Variants in LHFPL3 observed in about 807,000 individuals in gnomAD.
LHFPL3 encodes LHFPL tetraspan subfamily member 3.
Under a neutral mutation model 19.3 loss-of-function variants are expected in LHFPL3, and 5 were observed. The ratio of observed to expected loss-of-function variants is 0.26; its 90% CI spans 0.14 to 0.54. LHFPL3 has a LOEUF of 0.54. Among genes scored for constraint, LHFPL3 ranks in the 20% least tolerant of loss-of-function variants. The pLI, the probability that LHFPL3 is intolerant of heterozygous loss-of-function variation, is 0.94. For missense variants in LHFPL3, 249 were observed against 307.4 expected, an observed-to-expected ratio of 0.81 and a Z score of 1.42; for synonymous variants, 133 against 126.2, an observed-to-expected ratio of 1.05 and a Z score of -0.36.
In LHFPL3 at chr7:104,907,073, C is replaced by T. The variant is rs576711103; in HGVS notation, c.*858C>T. 6.6e-6 allele frequency: 1 copy of T among 152,650 alleles called. No individual in the cohort carries two copies. The highest frequency in any genetic ancestry group is 1.9e-4 in the East Asian group (1 of 5,190). 9.5% of individuals were successfully genotyped at this position (152,650 alleles called of 1,614,324 possible). On this transcript the variant is annotated 3_prime_UTR_variant, in exon 3 of 3. Coordinates refer to ENST00000424859, the MANE Select transcript of LHFPL3 (RefSeq NM_199000.3). The stretch of plus-strand genomic sequence containing the variant: ...CACGTGTAATATTATAGGCTACTAT[C>T]AAATAAACACTTTTTTTCTAATTCT...
intron 1 of LHFPL3, among the ~76,000 whole-genome samples, chr7:104,579,405 A>G (rs1790412434): frequency 6.6e-6 from 1 of 152,186 alleles, no homozygotes; most frequent in African/African-American, 2.4e-5. Flanking sequence ...AAGTGAGAAC[A>G]TGCGGTATTG....
At chr7:104,376,696 T>C (rs1021438707) in intron 1 of LHFPL3, among the ~76,000 whole-genome samples, 1 of 152,094 alleles carries the variant, frequency 6.6e-6, no homozygotes, top group Non-Finnish European at 1.5e-5. Context: ...AGTTGTGAAG[T>C]GTATTACACT....
At chr7:104,595,116 G>A (rs1790817431) in intron 1 of LHFPL3, among the ~76,000 whole-genome samples, 1 of 152,190 alleles carries the variant, frequency 6.6e-6, no homozygotes, top group African/African-American at 2.4e-5. Context: ...GAGGAGAAGA[G>A]GCACTCTGAT....
chr7:104,772,222 T>G (rs533806975), intron 2 of LHFPL3, among the ~76,000 whole-genome samples: 28 of 152,182 alleles, frequency 1.8e-4, no homozygotes, highest in Non-Finnish European at 3.1e-4. Context: ...ATTATTCTTA[T>G]TCTCCCAACC....
At position 104,536,792 on chromosome 7, in the gene LHFPL3, T is replaced by C. The variant is rs118175309; in HGVS notation, c.446-199883T>C. On this transcript the variant is annotated intron_variant, in intron 1 of 2. Transcript: ENST00000424859. ...GTAAAAAATTAAGCTTGCATTTCCT[T>C]TTTACACAGAAGCTCTTCCACTAAT... 1.1e-4 allele frequency among the ~76,000 whole-genome samples: 16 copies of C among 152,322 alleles called. No individual in the cohort carries two copies. In the East Asian group the frequency reaches 3.1e-3, roughly 29 times the overall value.
chr7:104,384,856 T>C (rs114645268), intron 1 of LHFPL3, among the ~76,000 whole-genome samples: 1,486 of 146,736 alleles, frequency 0.01, 19 homozygotes, highest in African/African-American at 0.035. Flanking sequence ...AAATGTCATA[T>C]ATAAATAGAG....
chr7:104,422,455 A>G (rs1183300123), intron 1 of LHFPL3, among the ~76,000 whole-genome samples: 2 of 152,250 alleles, frequency 1.3e-5, no homozygotes, highest in Non-Finnish European at 2.9e-5. Context: ...GACAATTGGC[A>G]TAGTTCTTCT....
chr7:104,335,412 A>C (rs1789780219), intron 1 of LHFPL3, among the ~76,000 whole-genome samples: 1 of 152,246 alleles, frequency 6.6e-6, no homozygotes, highest in Non-Finnish European at 1.5e-5. Flanking sequence ...ACTTACAAGA[A>C]AGTGATCTGG....
intron 2 of LHFPL3, among the ~76,000 whole-genome samples, chr7:104,820,750 C>T (rs938320573): frequency 2.0e-5 from 3 of 152,150 alleles, no homozygotes; most frequent in African/African-American, 7.2e-5. Flanking sequence ...TAACCACCCC[C>T]CCAGACCAAA....
At chr7:104,386,917 T>C (rs1344850041) in intron 1 of LHFPL3, among the ~76,000 whole-genome samples, 1 of 152,126 alleles carries the variant, frequency 6.6e-6, no homozygotes, top group Non-Finnish European at 1.5e-5. Context: ...AGCTGCCACA[T>C]TGTATCACCT....
intron 1 of LHFPL3, among the ~76,000 whole-genome samples, chr7:104,723,158 A>G (rs907129762): frequency 3.9e-5 from 6 of 152,230 alleles, no homozygotes; most frequent in African/African-American, 1.4e-4. Context: ...TGCCAGAGCA[A>G]TTAGTGGCTC....
At chr7:104,437,352 C>T (rs1239204102) in intron 1 of LHFPL3, among the ~76,000 whole-genome samples, 1 of 152,188 alleles carries the variant, frequency 6.6e-6, no homozygotes, top group Non-Finnish European at 1.5e-5. Flanking sequence ...ATACTCTCAA[C>T]ACAACACAGA....
chr7:104,819,445 T>TG (rs1790635429), intron 2 of LHFPL3, among the ~76,000 whole-genome samples: 1 of 151,964 alleles, frequency 6.6e-6, no homozygotes, highest in Non-Finnish European at 1.5e-5. Context: ...GCCTCCTATG[T>TG]GATTACACAC....
intron 1 of LHFPL3, among the ~76,000 whole-genome samples, chr7:104,390,623 G>A (rs185026198): frequency 2.0e-4 from 30 of 152,298 alleles, no homozygotes; most frequent in African/African-American, 6.3e-4. Context: ...TTGCTATTGT[G>A]AATAGTGCCA....
intron 1 of LHFPL3, among the ~76,000 whole-genome samples, chr7:104,592,847 C>T (rs1790755824): frequency 6.6e-6 from 1 of 152,128 alleles, no homozygotes; most frequent in African/African-American, 2.4e-5. Flanking sequence ...GCAGTTCAAT[C>T]TCAGACTGCT....
At chr7:104,785,934 A>C (rs951894176) in intron 2 of LHFPL3, 1 of 152,616 alleles carries the variant, frequency 6.6e-6, no homozygotes, top group African/African-American at 2.4e-5. Context: ...TGGTTCCACC[A>C]GTCCTTCTTC....
At chr7:104,340,331 TAAAG>T (rs988059744) in intron 1 of LHFPL3, among the ~76,000 whole-genome samples, 1 of 151,952 alleles carries the variant, frequency 6.6e-6, no homozygotes, top group Non-Finnish European at 1.5e-5. Context: ...AGAAAGAAAA[TAAAG>T]AAAAACTAGA....
At chr7:104,822,872 A>T (rs1190128385) in intron 2 of LHFPL3, among the ~76,000 whole-genome samples, 1 of 152,168 alleles carries the variant, frequency 6.6e-6, no homozygotes, top group Non-Finnish European at 1.5e-5. Context: ...TGGTACCAAA[A>T]GATTGCTCTG....
intron 2 of LHFPL3, among the ~76,000 whole-genome samples, chr7:104,758,348 C>A (rs1794320760): frequency 6.6e-6 from 1 of 152,014 alleles, no homozygotes; most frequent in Non-Finnish European, 1.5e-5. Context: ...ACCCCCGAAT[C>A]TAAAATAAAA....
Sources: gnomAD v4.1 joint callset for allele counts (sites outside exome capture counted in the v4.1 genomes callset) on GRCh38, gnomAD v4.1.1 for gene constraint, MANE v1.5 for transcripts, NCBI Gene and HGNC (gene_info 2026-07-23, HGNC 2026-07-21) for gene names.